Variants in TMEM132D observed in about 807,000 individuals in gnomAD.
The protein encoded by TMEM132D is transmembrane protein 132D, also known as mature OL transmembrane protein.
In TMEM132D, 21 loss-of-function variants were observed where a neutral mutation model predicts 62.3. That is an observed-to-expected ratio of 0.34 (90% CI 0.24 to 0.49). TMEM132D has a LOEUF of 0.49. Ranked by LOEUF, TMEM132D falls within the 20% of genes least tolerant of loss-of-function variation. TMEM132D has a pLI of 0.99. For missense variants in TMEM132D, 1,346 were observed against 1,402.8 expected (o/e 0.96, Z 0.65); for synonymous variants, 621 against 575.6 (o/e 1.08, Z -1.13).
chr12:129,828,172 G>A (rs1195851771), intron 1 of TMEM132D, among the ~76,000 whole-genome samples: 1 of 152,168 alleles, frequency 6.6e-6, no homozygotes, highest in African/African-American at 2.4e-5. Context: ...ATTATTGGCA[G>A]AGGTTCTGTG....
chr12:129,201,265 C>G (rs772711487), intron 5 of TMEM132D, among the ~76,000 whole-genome samples: 3 of 152,200 alleles, frequency 2.0e-5, no homozygotes, highest in Non-Finnish European at 2.9e-5. Context: ...GAGCCCACGT[C>G]AATCTTCCTC....
chr12:129,454,976 A>C (rs932494635), intron 3 of TMEM132D, among the ~76,000 whole-genome samples: 2 of 152,222 alleles, frequency 1.3e-5, no homozygotes, highest in African/African-American at 4.8e-5. Flanking sequence ...AAAGCTTAAA[A>C]AGGGTCCAAA....
chr12:129,690,239 C>A (rs535725711), intron 2 of TMEM132D, among the ~76,000 whole-genome samples: 9 of 151,984 alleles, frequency 5.9e-5, no homozygotes, highest in African/African-American at 1.9e-4. Context: ...GAGAGGATAG[C>A]AAATGTAATC....
At chr12:129,786,486 A>G (rs890146381) in intron 1 of TMEM132D, among the ~76,000 whole-genome samples, 2 of 152,232 alleles carry the variant, frequency 1.3e-5, no homozygotes. Context: ...TCCTGAAAGG[A>G]GCGAAGACGA....
At chr12:129,782,744 A>G (rs1871154527) in intron 1 of TMEM132D, among the ~76,000 whole-genome samples, 1 of 152,148 alleles carries the variant, frequency 6.6e-6, no homozygotes, top group Non-Finnish European at 1.5e-5. Flanking sequence ...TGTATTCCTG[A>G]TAAATCCAGG....
chr12:129,236,407 C>T (rs1001764115), intron 4 of TMEM132D, among the ~76,000 whole-genome samples: 6 of 147,386 alleles, frequency 4.1e-5, no homozygotes, highest in African/African-American at 1.3e-4. Flanking sequence ...CCCAGCTACT[C>T]GGGAGGCTGA....
At chr12:129,640,918 T>C (rs753869050) in intron 2 of TMEM132D, among the ~76,000 whole-genome samples, 1 of 152,122 alleles carries the variant, frequency 6.6e-6, no homozygotes, top group Non-Finnish European at 1.5e-5. Flanking sequence ...GGATCTAGGT[T>C]GCACGCTCCT....
At chr12:129,218,052 G>T (rs1189699061) in intron 4 of TMEM132D, among the ~76,000 whole-genome samples, 2 of 152,084 alleles carry the variant, frequency 1.3e-5, no homozygotes, top group East Asian at 3.9e-4. Context: ...AGGGAGTGAG[G>T]CCGGGTCAAG....
At chr12:129,493,315 A>T (rs914868668) in intron 3 of TMEM132D, among the ~76,000 whole-genome samples, 1 of 152,238 alleles carries the variant, frequency 6.6e-6, no homozygotes, top group Non-Finnish European at 1.5e-5. Context: ...AGCATTGAAG[A>T]TGATATTAGT....
chr12:129,529,145 A>G (rs1386260634), intron 3 of TMEM132D, among the ~76,000 whole-genome samples: 4 of 152,248 alleles, frequency 2.6e-5, no homozygotes, highest in Non-Finnish European at 5.9e-5. Context: ...CCTGGCCTCC[A>G]GAAGACAAGA....
In TMEM132D at chr12:129,115,699, CAAGT is replaced by C. The variant is rs1049110961; in HGVS notation, c.1444-31001_1444-30998del. 4.8e-4 allele frequency among the ~76,000 whole-genome samples: 73 copies of C among 152,302 alleles called. 1 individual carries two copies. Among genetic ancestry groups the C allele is most frequent in the African/African-American group, 1.5e-3 (64 of 41,570 alleles). ...CCCCAGGCACACTGGGCAGTCACGA[CAAGT>C]AAGCCCTGCTCCTACGCCAGTGGAA... On this transcript the variant is annotated intron_variant, in intron 5 of 8. Transcript: ENST00000422113.
chr12:129,553,316 C>T (rs1248174924), intron 2 of TMEM132D, among the ~76,000 whole-genome samples: 4 of 152,202 alleles, frequency 2.6e-5, no homozygotes, highest in Non-Finnish European at 2.9e-5. Context: ...CTGCTGCTGT[C>T]AGGCTCGCCT....
At chr12:129,847,467 A>G (rs1873398193) in intron 1 of TMEM132D, among the ~76,000 whole-genome samples, 1 of 152,074 alleles carries the variant, frequency 6.6e-6, no homozygotes, top group South Asian at 2.1e-4. Flanking sequence ...ATAGCCTTGA[A>G]CTTCAATTTT....
intron 1 of TMEM132D, among the ~76,000 whole-genome samples, chr12:129,713,097 G>A (rs770534527): frequency 6.6e-6 from 1 of 152,104 alleles, no homozygotes; most frequent in Non-Finnish European, 1.5e-5. Context: ...CGAGATCTTC[G>A]TGTGTGACCT....
chr12:129,581,335 C>T lies in TMEM132D; in HGVS notation c.969-50130G>A, dbSNP rs139167977. On this transcript the variant is annotated intron_variant, in intron 2 of 8. Transcript: ENST00000422113. ...ACTAGGGTTCTCTAGAGGGACACGA[C>T]TAATAGGATAGATGTATATCTGGAA... 3.3e-3 allele frequency among the ~76,000 whole-genome samples: 508 copies of T among 152,232 alleles called. 2 individuals carry two copies. Among genetic ancestry groups the T allele is most frequent in the African/African-American group, 0.012 (487 of 41,522 alleles).
chr12:129,699,724 T>C, intron 2 of TMEM132D, 86 bp downstream of exon 2: 1 of 1,533,752 alleles, frequency 6.5e-7, no homozygotes, highest in Non-Finnish European at 8.8e-7. Context: ...CGGTGAGCGA[T>C]AACACAGCTT....
chr12:129,627,259 G>T (rs1487398366), intron 2 of TMEM132D, among the ~76,000 whole-genome samples: 1 of 152,170 alleles, frequency 6.6e-6, no homozygotes, highest in Admixed American at 6.5e-5. Context: ...AATCATGTAA[G>T]AATATAATAC....
intron 3 of TMEM132D, among the ~76,000 whole-genome samples, chr12:129,408,955 T>G (rs1017138965): frequency 6.6e-6 from 1 of 152,148 alleles, no homozygotes; most frequent in African/African-American, 2.4e-5. Flanking sequence ...TTTTTTGAGA[T>G]GGAGTCTTGC....
chr12:129,810,111 A>G (rs1287266480), intron 1 of TMEM132D, among the ~76,000 whole-genome samples: 2 of 152,206 alleles, frequency 1.3e-5, no homozygotes, highest in Non-Finnish European at 2.9e-5. Flanking sequence ...GCAACACACA[A>G]ACATTAAGTT....
Sources: allele counts gnomAD v4.1 joint callset (sites outside exome capture counted in the v4.1 genomes callset), GRCh38; gene constraint gnomAD v4.1.1; transcripts MANE v1.5; gene names NCBI Gene and HGNC (gene_info 2026-07-23, HGNC 2026-07-21).